The following CLVS1 variants were observed in gnomAD, a reference collection of about 807,000 sequenced individuals.
The protein encoded by CLVS1 is clavesin-1.
CLVS1 carries 10 observed loss-of-function variants against 33.1 expected under a neutral mutation model. The ratio of observed to expected loss-of-function variants is 0.30; its 90% CI spans 0.19 to 0.51. The LOEUF (loss-of-function observed/expected upper bound fraction) is 0.51, where lower values mean the gene tolerates loss of function less well. CLVS1 is among the 20% of genes least tolerant of loss of function. CLVS1 has a pLI of 0.97. For missense variants in CLVS1, 343 were observed against 433.4 expected, an observed-to-expected ratio of 0.79 and a Z score of 1.85; for synonymous variants, 163 against 166.1, an observed-to-expected ratio of 0.98 and a Z score of 0.14.
intron 1 of CLVS1, among the ~76,000 whole-genome samples, chr8:61,122,754 G>T (rs1366175198): frequency 1.3e-5 from 2 of 152,160 alleles, no homozygotes; most frequent in Non-Finnish European, 2.9e-5. Context: ...AAAGAAACAG[G>T]TGTGGATAAT....
intron 1 of CLVS1, among the ~76,000 whole-genome samples, chr8:61,123,695 T>C (rs1805919351): frequency 6.6e-6 from 1 of 152,198 alleles, no homozygotes; most frequent in Non-Finnish European, 1.5e-5. Flanking sequence ...TGGAGTTTTG[T>C]ACATTTCAGG....
the CLVS1 span, among the ~76,000 whole-genome samples, chr8:61,034,085 C>G: frequency 2.0e-5 from 3 of 152,148 alleles, no homozygotes. Context: ...GCCAGGGTCA[C>G]CTCAATTTTC....
intron 3 of CLVS1, among the ~76,000 whole-genome samples, chr8:61,414,626 C>T (rs1397544636): frequency 6.6e-6 from 1 of 152,132 alleles, no homozygotes; most frequent in Non-Finnish European, 1.5e-5. Context: ...TATAAGGGAC[C>T]AGCTCTTCTT....
At chr8:61,168,259 T>A (rs4737579) in intron 2 of CLVS1, among the ~76,000 whole-genome samples, 116,325 of 152,172 alleles carry the variant, frequency 0.76, 45,550 homozygotes, top group Middle Eastern at 0.93. Flanking sequence ...GTCTATATGT[T>A]TTACAGCCAT....
chr8:61,368,395 G>A (rs1261678300), intron 2 of CLVS1, among the ~76,000 whole-genome samples: 1 of 152,188 alleles, frequency 6.6e-6, no homozygotes, highest in African/African-American at 2.4e-5. Context: ...TTATTTCCAT[G>A]CTGTACTTGA....
At chr8:61,493,059 T>C (rs1421852053) in intron 5 of CLVS1, among the ~76,000 whole-genome samples, 2 of 152,222 alleles carry the variant, frequency 1.3e-5, no homozygotes, top group African/African-American at 4.8e-5. Flanking sequence ...TGAAGCTACA[T>C]AAATAATTAT....
intron 2 of CLVS1, among the ~76,000 whole-genome samples, chr8:61,196,046 C>T (rs1164802055): frequency 6.6e-6 from 1 of 151,794 alleles, no homozygotes; most frequent in South Asian, 2.1e-4. Context: ...TCCAAATCTT[C>T]AAAATAGGAT....
chr8:61,039,394 G>T, the CLVS1 span, among the ~76,000 whole-genome samples: 1 of 152,126 alleles, frequency 6.6e-6, no homozygotes, highest in African/African-American at 2.4e-5. Flanking sequence ...CAAGCTATGG[G>T]GCCTTCTGTG....
Position 61,099,449 on chromosome 8 carries a change from G to A in CLVS1, c.-242-32321G>A, listed in dbSNP as rs181127783. ...TTTTTCGAGTATTTATTATATGACA[G>A]TCATTGGCTGGATTTAAGTAATTGT... is the stretch of plus-strand genomic sequence containing the variant. On this transcript the variant is annotated intron_variant, in intron 1 of 2. Transcript: ENST00000522621. Among the ~76,000 whole-genome samples the A allele has an allele frequency of 3.9e-5, 6 of 152,198 alleles. No homozygotes were observed. In the East Asian group the frequency reaches 1.2e-3, roughly 29 times the overall value.
At chr8:61,095,214 T>C (rs1805329365) in intron 1 of CLVS1, among the ~76,000 whole-genome samples, 1 of 152,184 alleles carries the variant, frequency 6.6e-6, no homozygotes, top group South Asian at 2.1e-4. Flanking sequence ...AAACAAAACT[T>C]AGTCAATTTT....
rs1196636671 is a variant in CLVS1 at position 61,501,406 on chromosome 8, A to G, written c.*1864A>G. 3.9e-5 allele frequency: 6 copies of G among 152,158 alleles called. No homozygotes were observed. 9.4% of individuals were successfully genotyped at this position (152,158 alleles called of 1,614,324 possible). ...GACCTGATTTTAAATACCATATTAT[A>G]TTTACTAAGTTAAGAGCTAGTTTTT... On this transcript the variant is annotated 3_prime_UTR_variant, in exon 6 of 6. Coordinates refer to ENST00000325897, the MANE Select transcript of CLVS1 (RefSeq NM_173519.3).
the CLVS1 span, among the ~76,000 whole-genome samples, chr8:60,986,067 A>G: frequency 2.0e-5 from 3 of 152,206 alleles, no homozygotes; most frequent in African/African-American, 4.8e-5. Context: ...ATACCCAGCA[A>G]TGTGTGCAGT....
rs550151793 is a variant in CLVS1, at chr8:61,500,663, T to G, written c.*1121T>G. ...AAATAAACAGACATCATATATGATA[T>G]CCTTACTTGTGCCATGTTTTCCAAG... On this transcript the variant is annotated 3_prime_UTR_variant, in exon 6 of 6. Coordinates refer to ENST00000325897, the MANE Select transcript of CLVS1 (RefSeq NM_173519.3). 4.3e-4 allele frequency: 66 copies of G among 152,316 alleles called. No homozygotes were observed. The highest frequency in any genetic ancestry group is 1.4e-3 in the African/African-American group (60 of 41,574). The allele number at this position is 152,316 out of a possible 1,614,324, so 9.4% of individuals were successfully genotyped here. A position where few individuals can be genotyped will look rare whatever the true frequency, so the allele number is the denominator to read the frequency against.
rs375160941 is a variant in CLVS1 at position 61,122,725 on chromosome 8, G to T, written c.-242-9045G>T. 4.0e-4 allele frequency among the ~76,000 whole-genome samples: 61 copies of T among 152,252 alleles called. No homozygotes were observed. The South Asian group carries it at 0.013, about 32-fold the overall frequency. ...ATTAACACCAGAGGAGGCTGCAACT[G>T]CCCAGGGGTTAGTTCAGAAAAGAAA... On this transcript the variant is annotated intron_variant, in intron 1 of 2. Coordinates refer to the CLVS1 transcript ENST00000522621.
chr8:61,138,234 C>A (rs1806227453), intron 2 of CLVS1, among the ~76,000 whole-genome samples: 1 of 152,172 alleles, frequency 6.6e-6, no homozygotes, highest in South Asian at 2.1e-4. Context: ...ATGAGATGGC[C>A]TGTTAGCTAA....
intron 2 of CLVS1, among the ~76,000 whole-genome samples, chr8:61,215,903 C>T (rs1313349968): frequency 6.6e-6 from 1 of 152,150 alleles, no homozygotes; most frequent in African/African-American, 2.4e-5. Flanking sequence ...CTGGGTCATT[C>T]CACCCCTTGT....
chr8:61,084,797 CTG>C (rs1170891049), intron 1 of CLVS1, among the ~76,000 whole-genome samples: 1 of 152,176 alleles, frequency 6.6e-6, no homozygotes, highest in East Asian at 1.9e-4. Context: ...AAGTTTGAAA[CTG>C]TCTCCCCAAA....
chr8:60,971,910 C>G, the CLVS1 span, among the ~76,000 whole-genome samples: 3 of 151,930 alleles, frequency 2.0e-5, no homozygotes, highest in African/African-American at 4.8e-5. Flanking sequence ...TGTCAGTTTT[C>G]TATTTTTGTG....
intron 2 of CLVS1, among the ~76,000 whole-genome samples, chr8:61,304,607 C>A (rs1168071268): frequency 6.6e-6 from 1 of 152,184 alleles, no homozygotes; most frequent in Non-Finnish European, 1.5e-5. Flanking sequence ...ATTTTTCCCA[C>A]CTAAACTCGT....
Sources: allele counts gnomAD v4.1 joint callset (sites outside exome capture counted in the v4.1 genomes callset), GRCh38; gene constraint gnomAD v4.1.1; transcripts MANE v1.5; gene names NCBI Gene and HGNC (gene_info 2026-07-23, HGNC 2026-07-21).